ROBO1: variants seen among roughly 807,000 people sequenced by gnomAD.
ROBO1 encodes roundabout guidance receptor 1.
In ROBO1, 149 loss-of-function variants were observed where a neutral mutation model predicts 195.9. That is an observed-to-expected ratio of 0.76 (90% CI 0.67 to 0.87). The LOEUF is 0.87. Among genes scored for constraint, ROBO1 ranks in the 40% least tolerant of loss-of-function variants. ROBO1 has a pLI of 0.00. For missense variants in ROBO1, 1,933 were observed against 2,068.3 expected (o/e 0.93, Z 1.27); for synonymous variants, 816 against 733.2 (o/e 1.11, Z -1.82).
At chr3:78,875,459 A>C (rs2107192923) in intron 4 of ROBO1, among the ~76,000 whole-genome samples, 1 of 152,196 alleles carries the variant, frequency 6.6e-6, no homozygotes, top group Admixed American at 6.5e-5. Context: ...TATAAATGAT[A>C]TAGATAAAAT....
intron 8 of ROBO1, among the ~76,000 whole-genome samples, chr3:78,702,470 G>A (rs776330478): frequency 3.9e-5 from 6 of 152,142 alleles, no homozygotes; most frequent in Non-Finnish European, 7.4e-5. Flanking sequence ...AATATTATGT[G>A]AATCAACTTA....
chr3:79,134,181 A>T (rs1171136392), intron 2 of ROBO1, among the ~76,000 whole-genome samples: 1 of 143,142 alleles, frequency 7.0e-6, no homozygotes, highest in South Asian at 2.4e-4. Flanking sequence ...GAACTCAAAC[A>T]AATTTACAAG....
intron 2 of ROBO1, among the ~76,000 whole-genome samples, chr3:79,168,029 C>T (rs541840269): frequency 9.2e-5 from 14 of 152,268 alleles, no homozygotes; most frequent in Admixed American, 5.2e-4. Flanking sequence ...ACTTGTACCA[C>T]ATGTTGGTCA....
At chr3:79,431,856 C>A (rs900557499) in intron 2 of ROBO1, among the ~76,000 whole-genome samples, 1 of 151,980 alleles carries the variant, frequency 6.6e-6, no homozygotes, top group African/African-American at 2.4e-5. Flanking sequence ...ACTTTATTAG[C>A]TAAAGCTAAA....
intron 3 of ROBO1, among the ~76,000 whole-genome samples, chr3:78,995,001 A>G (rs1307998304): frequency 6.6e-6 from 1 of 152,186 alleles, no homozygotes; most frequent in Admixed American, 6.6e-5. Flanking sequence ...GCACTTGCTT[A>G]GAGAACCAGA....
chr3:78,698,281 T>C (rs2081345666), intron 8 of ROBO1, among the ~76,000 whole-genome samples: 1 of 152,186 alleles, frequency 6.6e-6, no homozygotes, highest in Non-Finnish European at 1.5e-5. Flanking sequence ...AAAAATTATA[T>C]ACATAGATAC....
intron 1 of ROBO1, among the ~76,000 whole-genome samples, chr3:79,600,603 C>G (rs1328244459): frequency 6.6e-6 from 1 of 151,876 alleles, no homozygotes. Context: ...TTGCTGTGAT[C>G]ATTCTCTTCC....
At position 79,113,161 on chromosome 3, in the gene ROBO1, C is replaced by T. The variant is rs550972129; in HGVS notation, c.172+12295G>A. 8.6e-4 allele frequency among the ~76,000 whole-genome samples: 131 copies of T among 152,224 alleles called. No individual in the cohort carries two copies. The Middle Eastern group carries it at 0.014, about 16-fold the overall frequency. On this transcript the variant is annotated intron_variant, in intron 3 of 30. Transcript: ENST00000464233. ...GCTTCTTTAAAGAAAGCCCATTTATCAGCATGTCTGTTTTGAAGAAAGAGA... is the reference window on the plus strand; with the variant it reads ...GCTTCTTTAAAGAAAGCCCATTTATTAGCATGTCTGTTTTGAAGAAAGAGA...
At chr3:79,078,592 T>C (rs764534363) in intron 3 of ROBO1, among the ~76,000 whole-genome samples, 1 of 151,782 alleles carries the variant, frequency 6.6e-6, no homozygotes, top group Admixed American at 6.6e-5. Context: ...GTTCTTGTAG[T>C]CAACAATTAA....
intron 1 of ROBO1, among the ~76,000 whole-genome samples, chr3:79,726,757 A>G (rs1054167557): frequency 6.6e-6 from 1 of 152,166 alleles, no homozygotes; most frequent in East Asian, 1.9e-4. Context: ...GAAAAAATAC[A>G]TTTTTCAATC....
At chr3:78,856,418 T>C (rs1324647754) in intron 4 of ROBO1, among the ~76,000 whole-genome samples, 1 of 151,894 alleles carries the variant, frequency 6.6e-6, no homozygotes, top group Admixed American at 6.6e-5. Context: ...AACTTTCCTA[T>C]GCTTATTACA....
At chr3:79,409,480 T>TC (rs2037681461) in intron 2 of ROBO1, among the ~76,000 whole-genome samples, 1 of 152,064 alleles carries the variant, frequency 6.6e-6, no homozygotes, top group Non-Finnish European at 1.5e-5. Flanking sequence ...TTTCACAAGT[T>TC]CCCCCAAAAG....
At chr3:79,567,257 T>C (rs529439820) in intron 2 of ROBO1, among the ~76,000 whole-genome samples, 4 of 152,000 alleles carry the variant, frequency 2.6e-5, no homozygotes, top group Non-Finnish European at 4.4e-5. Flanking sequence ...TATTGGAGTG[T>C]AGAGAATGGG....
chr3:79,663,146 A>G (rs1423136659), intron 1 of ROBO1, among the ~76,000 whole-genome samples: 1 of 152,056 alleles, frequency 6.6e-6, no homozygotes, highest in African/African-American at 2.4e-5. Context: ...ATCAAATACC[A>G]GGTTTTAGAT....
chr3:79,227,237 T>C (rs1203512351), intron 2 of ROBO1, among the ~76,000 whole-genome samples: 38 of 152,156 alleles, frequency 2.5e-4, no homozygotes, highest in Admixed American at 2.5e-3. Flanking sequence ...CCCAGGCCTC[T>C]TTGTAATCTG....
chr3:79,191,751 G>A (rs1180286962), intron 2 of ROBO1, among the ~76,000 whole-genome samples: 1 of 151,222 alleles, frequency 6.6e-6, no homozygotes, highest in Non-Finnish European at 1.5e-5. Context: ...TTTAATTAAT[G>A]TACTTTAATT....
At position 78,631,197 on chromosome 3, in the gene ROBO1, C is replaced by T. The variant is rs1705160744; in HGVS notation, c.3590G>A (p.Ser1197Asn). The T allele has an allele frequency of 1.2e-6, 2 of 1,612,546 alleles. No homozygotes were observed. ...AGAAATGTTGTACTCTTCGCTATTG[C>T]TGTGTGGAGGAGGATGTGCTGGGGG... ...PPPPAHPPPH[S>N]NSEEYNISVD... The change falls in exon 25 of 31, where the codon AGC becomes AAC. Residue 1197 changes from serine to asparagine, a missense_variant. Around this residue, in one of 3 missense-constraint regions of ROBO1, gnomAD observed 1,737 missense variants for 1,882.5 expected, o/e 0.92. Transcript: ENST00000464233.
At chr3:78,706,204 C>G (rs932562357) in intron 8 of ROBO1, among the ~76,000 whole-genome samples, 1 of 151,952 alleles carries the variant, frequency 6.6e-6, no homozygotes, top group South Asian at 2.1e-4. Context: ...GAATCAAGTT[C>G]AAGAATAGGA....
Position 79,659,096 on chromosome 3 carries a change from T to A in ROBO1, c.-50-69135A>T, listed in dbSNP as rs180724036. Reference sequence around the variant, plus strand: ...GCATTAATAAATGTTCAGTTTTACATCTACGTATCATAATATAATCGACAC... The same window carrying A: ...GCATTAATAAATGTTCAGTTTTACAACTACGTATCATAATATAATCGACAC... On this transcript the variant is annotated intron_variant, in intron 1 of 30. Transcript: ENST00000464233. 2.0e-5 allele frequency among the ~76,000 whole-genome samples: 3 copies of A among 152,212 alleles called. No individual in the cohort carries two copies. The East Asian group carries it at 5.8e-4, about 30-fold the overall frequency.
Sources: gnomAD v4.1 joint callset for allele counts (sites outside exome capture counted in the v4.1 genomes callset) on GRCh38, gnomAD v4.1.1 for gene constraint, gnomAD v4.1.1 regional missense constraint, MANE v1.5 for transcripts, NCBI Gene and HGNC (gene_info 2026-07-23, HGNC 2026-07-21) for gene names.